SPAG16: variants seen among roughly 807,000 people sequenced by gnomAD.
SPAG16 encodes sperm-associated antigen 16 protein.
In SPAG16, 86 loss-of-function variants were observed where a neutral mutation model predicts 80.4. That is an observed-to-expected ratio of 1.07 (90% CI 0.90 to 1.28). The LOEUF (loss-of-function observed/expected upper bound fraction) is 1.28. SPAG16 is among the 50% of genes most tolerant of loss of function. SPAG16 has a pLI of 0.00. For synonymous variants in SPAG16, 294 were observed against 265.9 expected, an observed-to-expected ratio of 1.11 and a Z score of -1.03; for missense variants, 870 against 765.3, an observed-to-expected ratio of 1.14 and a Z score of -1.61.
intron 12 of SPAG16, among the ~76,000 whole-genome samples, chr2:213,991,636 G>A (rs1239827506): frequency 1.3e-5 from 2 of 152,084 alleles, no homozygotes; most frequent in African/African-American, 2.4e-5. Flanking sequence ...CTAGGGATGA[G>A]GCAATCATGA....
At chr2:213,987,590 T>C (rs971719291) in intron 12 of SPAG16, among the ~76,000 whole-genome samples, 5 of 152,006 alleles carry the variant, frequency 3.3e-5, no homozygotes, top group Non-Finnish European at 5.9e-5. Flanking sequence ...GGCTTCTGCC[T>C]GAGCCTAGAA....
At chr2:213,721,223 C>G (rs1284235476) in intron 10 of SPAG16, among the ~76,000 whole-genome samples, 1 of 152,048 alleles carries the variant, frequency 6.6e-6, no homozygotes, top group Non-Finnish European at 1.5e-5. Context: ...CTCAGCCTCC[C>G]GAGTAGCTGG....
intron 9 of SPAG16, among the ~76,000 whole-genome samples, chr2:213,392,851 A>G (rs966185336): frequency 6.6e-6 from 1 of 152,086 alleles, no homozygotes; most frequent in Non-Finnish European, 1.5e-5. Flanking sequence ...GTCTCTTAAA[A>G]AAAAAAAAAC....
chr2:213,345,895 T>A (rs1004093757), intron 6 of SPAG16, among the ~76,000 whole-genome samples: 2 of 152,168 alleles, frequency 1.3e-5, no homozygotes, highest in Non-Finnish European at 2.9e-5. Context: ...AACTTTAAAG[T>A]AGTTTTTTCC....
intron 15 of SPAG16, chr2:214,240,324 T>C (rs1689374459): frequency 1.3e-5 from 2 of 152,212 alleles, no homozygotes; most frequent in East Asian, 1.9e-4. Flanking sequence ...AAATGCTAAG[T>C]GTATTTTTTA....
At chr2:214,285,098 T>A (rs1693254863) in intron 15 of SPAG16, among the ~76,000 whole-genome samples, 1 of 152,226 alleles carries the variant, frequency 6.6e-6, no homozygotes, top group African/African-American at 2.4e-5. Flanking sequence ...ACCAACTGTG[T>A]ACAAAGGTTC....
intron 14 of SPAG16, among the ~76,000 whole-genome samples, chr2:214,108,467 ACACACACACACAC>A (rs1205856131): frequency 3.1e-4 from 28 of 88,892 alleles, no homozygotes; most frequent in East Asian, 1.2e-3. Context: ...ACACACACAC[ACACACACACACAC>A]CCCCACACAC....
intron 10 of SPAG16, among the ~76,000 whole-genome samples, chr2:213,792,366 C>T (rs1399527344): frequency 6.6e-6 from 1 of 152,110 alleles, no homozygotes; most frequent in Non-Finnish European, 1.5e-5. Context: ...TCATATACAG[C>T]TATTTGTTTT....
At chr2:213,997,671 C>G (rs1348144151) in intron 12 of SPAG16, among the ~76,000 whole-genome samples, 1 of 152,066 alleles carries the variant, frequency 6.6e-6, no homozygotes, top group Non-Finnish European at 1.5e-5. Flanking sequence ...TTTGGCTTCC[C>G]CAGGCCACAT....
chr2:214,067,361 C>G (rs1249745863), intron 13 of SPAG16, among the ~76,000 whole-genome samples: 1 of 151,988 alleles, frequency 6.6e-6, no homozygotes, highest in Non-Finnish European at 1.5e-5. Flanking sequence ...GTGTAGCACA[C>G]AATAGAAATG....
chr2:213,838,457 G>A (rs2074208584), intron 10 of SPAG16, among the ~76,000 whole-genome samples: 1 of 152,348 alleles, frequency 6.6e-6, no homozygotes, highest in Middle Eastern at 3.4e-3. Context: ...ACAGGCGTGA[G>A]CCACTGCGCT....
At chr2:213,553,555 G>A (rs150408875) in intron 10 of SPAG16, among the ~76,000 whole-genome samples, 6 of 152,214 alleles carry the variant, frequency 3.9e-5, no homozygotes, top group African/African-American at 1.4e-4. Flanking sequence ...CCTTCAAGAA[G>A]TGGCCACTGT....
In SPAG16 at chr2:214,214,299, A is replaced by G. The variant is rs563168970; in HGVS notation, c.1720+65033A>G. Among the ~76,000 whole-genome samples, 3 of 151,686 alleles carry G rather than the reference A, an allele frequency of 2.0e-5. No individual in the cohort carries two copies. In the South Asian group the frequency reaches 6.2e-4, roughly 32 times the overall value. On this transcript the variant is annotated intron_variant, in intron 15 of 15. Transcript: ENST00000331683. ...ATCCTTTTGCCTCAGCCTCCCAAGT[A>G]GCTGGGATTACAGGCATGTACCACC... is the stretch of plus-strand genomic sequence containing the variant.
At chr2:214,168,613 C>T (rs2056756111) in intron 15 of SPAG16, among the ~76,000 whole-genome samples, 1 of 151,892 alleles carries the variant, frequency 6.6e-6, no homozygotes, top group Non-Finnish European at 1.5e-5. Context: ...GCAGGAAAGG[C>T]CTCTGAGAAA....
At chr2:213,933,956 C>T (rs2078881955) in intron 12 of SPAG16, among the ~76,000 whole-genome samples, 1 of 152,182 alleles carries the variant, frequency 6.6e-6, no homozygotes, top group African/African-American at 2.4e-5. Context: ...AAACAGTCCT[C>T]AGAGCCCCAA....
At chr2:213,790,783 GT>G (rs1329011256) in intron 10 of SPAG16, among the ~76,000 whole-genome samples, 1 of 152,028 alleles carries the variant, frequency 6.6e-6, no homozygotes. Flanking sequence ...ATCTTTGCCT[GT>G]ATAATGATTT....
chr2:213,477,618 A>G (rs1488191829), intron 9 of SPAG16, among the ~76,000 whole-genome samples: 1 of 152,136 alleles, frequency 6.6e-6, no homozygotes, highest in Non-Finnish European at 1.5e-5. Context: ...CTTTGTTTTC[A>G]CGATTTCTCC....
chr2:214,099,113 G>C (rs1279395385), intron 13 of SPAG16, among the ~76,000 whole-genome samples: 1 of 152,084 alleles, frequency 6.6e-6, no homozygotes, highest in African/African-American at 2.4e-5. Context: ...TTACTTGTAA[G>C]CAGGGCTGTA....
At chr2:213,519,631 T>C (rs2075581836) in intron 10 of SPAG16, among the ~76,000 whole-genome samples, 1 of 152,230 alleles carries the variant, frequency 6.6e-6, no homozygotes, top group Admixed American at 6.5e-5. Context: ...GGTATGTCTT[T>C]ATCAGTAGCA....
Sources: allele counts gnomAD v4.1 joint callset (sites outside exome capture counted in the v4.1 genomes callset), GRCh38; gene constraint gnomAD v4.1.1; transcripts MANE v1.5; gene names NCBI Gene and HGNC (gene_info 2026-07-23, HGNC 2026-07-21).